Variants in G6PD observed in about 807,000 individuals in gnomAD.
G6PD encodes the protein glucose-6-phosphate dehydrogenase.
In G6PD, 2 loss-of-function variants were observed where a neutral mutation model predicts 38.2. The ratio of observed to expected loss-of-function variants is 0.05; its 90% confidence interval spans 0.02 to 0.16. The LOEUF (loss-of-function observed/expected upper bound fraction) is 0.16, where lower values mean the gene tolerates loss of function less well. Ranked by LOEUF, G6PD falls within the 10% of genes least tolerant of loss-of-function variation. The pLI is 1.00. For synonymous variants in G6PD, 188 were observed against 196.0 expected (o/e 0.96, Z 0.34); for missense variants, 310 against 471.6 (o/e 0.66, Z 3.17).
intron 2 of G6PD, chrX:154,542,420 G>C: frequency 1.1e-5 from 13 of 1,197,146 alleles, no homozygotes; most frequent in Non-Finnish European, 1.4e-5. Context: ...GCGCACACTA[G>C]TCTACAAGGC....
chrX:154,532,547 G>A lies in G6PD; in HGVS notation c.1287+20C>T, dbSNP rs1358637530. ...GCCCAGGCCGCCCACCCTCCACACT[G>A]CTCCTTCTCTGTAGGGCACCTTGTA... On this transcript the variant is annotated intron_variant, in intron 10 of 12. Coordinates refer to ENST00000393562, the MANE Select transcript of G6PD (RefSeq NM_001360016.2). The A allele has an allele frequency of 8.3e-7, 1 of 1,209,368 alleles. No individual in the cohort carries two copies. Among genetic ancestry groups the A allele is most frequent in the Non-Finnish European group, 1.1e-6 (1 of 893,013 alleles).
chrX:154,535,304 A>G lies in G6PD; in HGVS notation c.349T>C (p.Ser117Pro). Residue 117 changes from serine to proline, a missense_variant, in exon 5 of 13, where the codon TCC becomes CCC. Transcript: ENST00000393562. ...YVAGQYDDAASYQRLNSHMNA... is the reference protein window; with the variant it reads ...YVAGQYDDAAPYQRLNSHMNA... ...ATGTGGCTGTTGAGGCGCTGGTAGG[A>G]GGCTGCATCATCGTACTGGCCAGCC... 2 of 1,211,895 alleles carry G rather than the reference A, an allele frequency of 1.7e-6. No individual in the cohort carries two copies. Among genetic ancestry groups the G allele is most frequent in the South Asian group, 3.5e-5 (2 of 57,019 alleles).
intron 2 of G6PD, among the ~76,000 whole-genome samples, chrX:154,539,515 C>G (rs987236775): frequency 9.0e-6 from 1 of 110,848 alleles, no homozygotes; most frequent in Non-Finnish European, 1.9e-5. Flanking sequence ...CAAAAGACGG[C>G]GAGAAAACCA....
In G6PD at chrX:154,533,567, A is replaced by AC. The variant is rs782714017; in HGVS notation, c.864+8dup. The AC allele has an allele frequency of 8.3e-5, 100 of 1,210,167 alleles. No homozygotes were observed. The highest frequency in any genetic ancestry group is 9.9e-5 in the Non-Finnish European group (89 of 894,931). Reference sequence around the variant, plus strand: ...GGCATGCTCCTGGGGACTGGGGTGCACCCCCTACCTTCTCATCACGGACGT... The same window carrying AC: ...GGCATGCTCCTGGGGACTGGGGTGCACCCCCCTACCTTCTCATCACGGACGT... On this transcript the variant is annotated intron_variant, in intron 8 of 12. Coordinates refer to ENST00000393562, the MANE Select transcript of G6PD (RefSeq NM_001360016.2).
intron 1 of G6PD, 112 bp downstream of exon 1, chrX:154,546,677 C>T: frequency 1.6e-6 from 1 of 636,430 alleles, no homozygotes; most frequent in Non-Finnish European, 2.4e-6. Flanking sequence ...TTAAGACCCT[C>T]TCGATTCTGC....
At chrX:154,535,087 C>T in intron 5 of G6PD, 81 bp downstream of exon 5, 1 of 986,904 alleles carries the variant, frequency 1.0e-6, no homozygotes, top group African/African-American at 1.9e-5. Context: ...GATCCCCGGC[C>T]CCGGACACGC....
At chrX:154,545,856 A>G (rs2070692933) in intron 2 of G6PD, 180 bp downstream of exon 2, 1 of 460,823 alleles carries the variant, frequency 2.2e-6, no homozygotes, top group Non-Finnish European at 3.6e-6. Flanking sequence ...AAAAAAAAAA[A>G]GTCTTGCAAG....
At position 154,536,056 on chromosome X, in the gene G6PD, G is replaced by A. The variant is rs1557230790; in HGVS notation, c.159-11C>T. Reference sequence around the variant, plus strand: ...TCCCGGAACAGCCACCTGAGGGCAGGGCACAGCTGTAACCAGTGCGGGCAG... The same window carrying A: ...TCCCGGAACAGCCACCTGAGGGCAGAGCACAGCTGTAACCAGTGCGGGCAG... On this transcript the variant is annotated splice_polypyrimidine_tract_variant and intron_variant, in intron 3 of 12. Transcript: ENST00000393562. 3.3e-6 allele frequency: 4 copies of A among 1,207,106 alleles called. No homozygotes were observed. Among genetic ancestry groups the A allele is most frequent in the Non-Finnish European group, 2.2e-6 (2 of 891,002 alleles).
At chrX:154,547,377 G>C (rs914974083), upstream of G6PD, 2 of 755,184 alleles carry the variant, frequency 2.6e-6, no homozygotes, top group African/African-American at 4.5e-5. Context: ...CGGGGCGGCC[G>C]AGCGCCCCGA....
Position 154,531,796 on chromosome X carries a change from G to C in G6PD, c.*204C>G. The C allele has an allele frequency of 1.7e-6, 1 of 578,616 alleles. No homozygotes were observed. The highest frequency in any genetic ancestry group is 2.7e-6 in the Non-Finnish European group (1 of 372,593). The allele number at this position is 578,616 out of a possible 1,213,427, so 47.7% of individuals were successfully genotyped here. A position where few individuals can be genotyped will look rare whatever the true frequency, so the allele number is the denominator to read the frequency against. ...TCCTGGGCTCAGGCAGGGTCTGGAG[G>C]GGCCAGGATGGTCTCGAGTGCTTGG... On this transcript the variant is annotated 3_prime_UTR_variant, in exon 13 of 13. Transcript: ENST00000393562.
At position 154,532,802 on chromosome X, in the gene G6PD, C is replaced by T. The variant is rs2070355916; in HGVS notation, c.1052G>A (p.Gly351Glu). Residue 351 changes from glycine (G) to glutamate (E), a missense_variant and splice_region_variant, in exon 10 of 13, where the codon GGG becomes GAG. Gly to Glu is a moderately conservative substitution (Grantham distance 98, BLOSUM62 -2). Around this residue, in one of 4 missense-constraint regions of G6PD, gnomAD observed 168 missense variants for 309.2 expected, o/e 0.54. Transcript: ENST00000393562. ...GCCGCAGCGCAGGATGAAGGGCACCCCTACGTGGCGGAAAGGGCAGCCTCA... is the reference window on the plus strand; with the variant it reads ...GCCGCAGCGCAGGATGAAGGGCACCTCTACGTGGCGGAAAGGGCAGCCTCA... ...VLYVENERWD[G>E]VPFILRCGKA... is the part of the protein sequence containing the mutation. 1 of 1,206,424 alleles carries T rather than the reference C, an allele frequency of 8.3e-7. No individual in the cohort carries two copies. The highest frequency in any genetic ancestry group is 1.1e-6 in the Non-Finnish European group (1 of 893,155).
intron 2 of G6PD, among the ~76,000 whole-genome samples, chrX:154,537,922 G>A (rs1327884053): frequency 9.1e-6 from 1 of 110,431 alleles, no homozygotes; most frequent in African/African-American, 3.3e-5. Flanking sequence ...TCAGCAGGCC[G>A]GGCACAACTC....
At chrX:154,544,307 A>G (rs1557232658) in intron 2 of G6PD, among the ~76,000 whole-genome samples, 3 of 110,508 alleles carry the variant, frequency 2.7e-5, no homozygotes, top group Non-Finnish European at 5.7e-5. Context: ...GACTACAGGC[A>G]CGCACCACCA....
chrX:154,545,725 C>T (rs1557233037), intron 2 of G6PD: 4 of 263,814 alleles, frequency 1.5e-5, no homozygotes, highest in Non-Finnish European at 2.7e-5. Flanking sequence ...ATCTCAGCTA[C>T]TTGGGGGGCT....
rs781893284 is a variant in G6PD, at chrX:154,545,836, C to CA, written c.120+199dup. On this transcript the variant is annotated intron_variant, in intron 2 of 12. Transcript: ENST00000393562. ...GGCGACCAGAGCAAAACTCCGTCTC[C>CA]AAAAAAAAAAAAAAAAAAAAGTCTT... 15,049 of 265,274 alleles carry CA rather than the reference C, an allele frequency of 0.057. 80 individuals carry two copies. The highest frequency in any genetic ancestry group is 0.13 in the African/African-American group (2,137 of 16,970). 21.9% of individuals were successfully genotyped at this position (265,274 alleles called of 1,213,427 possible). A position where few individuals can be genotyped will look rare whatever the true frequency, so the allele number is the denominator to read the frequency against.
At chrX:154,537,025 G>GC (rs1433076463) in intron 2 of G6PD, among the ~76,000 whole-genome samples, 2 of 112,395 alleles carry the variant, frequency 1.8e-5, no homozygotes, top group Non-Finnish European at 3.8e-5. Flanking sequence ...AAGGGCATAG[G>GC]CCGGGCACAG....
chrX:154,533,031 C>G lies in G6PD; in HGVS notation c.962G>C (p.Gly321Ala). The G allele has an allele frequency of 3.3e-6, 4 of 1,212,291 alleles. No individual in the cohort carries two copies. The highest frequency in any genetic ancestry group is 4.5e-6 in the Non-Finnish European group (4 of 895,594). Residue 321 changes from glycine (G) to alanine (A), a missense_variant, in exon 9 of 13, where the codon GGG (glycine) becomes GCG (alanine). Physicochemically the swap from Gly to Ala is moderately conservative, Grantham distance 60 (BLOSUM62 0). Coordinates refer to ENST00000393562, the MANE Select transcript of G6PD (RefSeq NM_001360016.2). ...NPDGEGEATK[G>A]YLDDPTVPRG... ...GGGCACCGTGGGGTCGTCCAGGTACCCTTTGGTGGCCTCGCCCTCTCCATC... is the reference window on the plus strand; with the variant it reads ...GGGCACCGTGGGGTCGTCCAGGTACGCTTTGGTGGCCTCGCCCTCTCCATC...
At chrX:154,537,886 C>T (rs1257280436) in intron 2 of G6PD, among the ~76,000 whole-genome samples, 4 of 111,622 alleles carry the variant, frequency 3.6e-5, no homozygotes. Context: ...CACACACATG[C>T]AGATGCAGAA....
rs1557229572 is a variant in G6PD at position 154,532,403 on chromosome X, C to G, written c.1347G>C (p.Gln449His). ...GGCCTCACCTGCGCACGAAGTGCAT[C>G]TGGCTCCCGCAGAAGACGTCCAGGA... ...RLILDVFCGS[Q>H]MHFVRSDELR... Residue 449 changes from glutamine to histidine, a missense_variant, in exon 11 of 13, where the codon CAG becomes CAC. By Grantham distance (24) the Gln-to-His change is conservative. Around this residue, in one of 4 missense-constraint regions of G6PD, gnomAD observed 168 missense variants for 309.2 expected, o/e 0.54. Coordinates refer to ENST00000393562, the MANE Select transcript of G6PD (RefSeq NM_001360016.2). The G allele has an allele frequency of 8.3e-6, 10 of 1,211,930 alleles. No individual in the cohort carries two copies. The highest frequency in any genetic ancestry group is 1.1e-5 in the Non-Finnish European group (10 of 895,558).
Sources: allele counts gnomAD v4.1 joint callset (sites outside exome capture counted in the v4.1 genomes callset), GRCh38; gene constraint gnomAD v4.1.1; regional missense constraint gnomAD v4.1.1; transcripts MANE v1.5; gene names NCBI Gene and HGNC (gene_info 2026-07-23, HGNC 2026-07-21).